Variants in USP44 observed in about 807,000 individuals in gnomAD.
USP44 encodes ubiquitin carboxyl-terminal hydrolase 44.
USP44 carries 61 observed loss-of-function variants against 69.0 expected under a neutral mutation model. The observed-to-expected ratio is 0.88, with a 90% CI of 0.72 to 1.09. USP44 has a LOEUF of 1.09. Among genes scored for constraint, USP44 ranks in the 50% least tolerant of loss-of-function variants. The pLI is 0.00. For synonymous variants in USP44, 297 were observed against 295.4 expected (o/e 1.01, Z -0.06); for missense variants, 753 against 849.9 (o/e 0.89, Z 1.42).
At chr12:95,518,392 T>C (rs751936151) in intron 5 of USP44, 39 bp from the exon 6 acceptor site, 4 of 1,595,650 alleles carry the variant, frequency 2.5e-6, no homozygotes, top group South Asian at 1.1e-5. Context: ...GAAGGGACTT[T>C]AGAAAATTCT....
intron 3 of USP44, among the ~76,000 whole-genome samples, chr12:95,527,097 C>A (rs1367748542): frequency 1.5e-5 from 2 of 134,040 alleles, no homozygotes; most frequent in East Asian, 2.3e-4. Context: ...CTGGATCATT[C>A]TTTTTTTTTT....
At position 95,521,017 on chromosome 12, in the gene USP44, T is replaced by C; in HGVS notation, c.1919A>G (p.Tyr640Cys). 1.2e-6 allele frequency: 2 copies of C among 1,614,192 alleles called. No homozygotes were observed. Among genetic ancestry groups the C allele is most frequent in the Non-Finnish European group, 1.7e-6 (2 of 1,180,020 alleles). ...TATACCTCCTTCAGAATTATAGCAG[T>C]AGGCAGTGTAGTGCCCTGAGCCAAA... is the stretch of plus-strand genomic sequence containing the variant. ...KGFGSGHYTA[Y>C]CYNSEGGFWV... is the part of the protein sequence containing the mutation. Residue 640 changes from tyrosine (Y) to cysteine (C), a missense_variant, in exon 5 of 6, where the codon TAC becomes TGC. Physicochemically the swap from Tyr to Cys is radical, Grantham distance 194. Transcript: ENST00000258499.
intron 5 of USP44, 75 bp from the exon 6 acceptor site, chr12:95,518,428 C>CT: frequency 2.1e-6 from 3 of 1,442,162 alleles, no homozygotes; most frequent in African/African-American, 1.4e-5. Flanking sequence ...GAGTGAGAAG[C>CT]TTTTTCTGAA....
intron 1 of USP44, among the ~76,000 whole-genome samples, chr12:95,539,394 T>G (rs934118955): frequency 1.6e-4 from 25 of 152,030 alleles, no homozygotes; most frequent in Non-Finnish European, 5.9e-5. Context: ...CCCAGCTAAT[T>G]TTTCTGTATT....
rs142211004 is a variant in USP44 at position 95,548,102 on chromosome 12, C to T, written c.-71+3170G>A. On this transcript the variant is annotated intron_variant, in intron 1 of 5. Coordinates refer to ENST00000258499, the MANE Select transcript of USP44 (RefSeq NM_032147.5). This position sits in a 1 kb window ranked among gnomAD's most constrained non-coding sequence, Gnocchi z 4.1. ...TCCCATCGAAGGCCATCGGGAATGG[C>T]TTTAGGAAGCTGATTTTCAAGCTTT... The T allele has an allele frequency of 1.8e-4, 28 of 152,294 alleles. No individual in the cohort carries two copies. The East Asian group carries it at 5.0e-3, about 27-fold the overall frequency. 9.4% of individuals were successfully genotyped at this position (152,294 alleles called of 1,614,324 possible).
At position 95,548,781 on chromosome 12, in the gene USP44, C is replaced by T. The variant is rs927456743; in HGVS notation, c.-71+2491G>A. The T allele has an allele frequency of 2.0e-5, 3 of 151,956 alleles. No individual in the cohort carries two copies. Among genetic ancestry groups the T allele is most frequent in the East Asian group, 3.9e-4 (2 of 5,154 alleles). The allele number at this position is 151,956 out of a possible 1,614,324, so 9.4% of individuals were successfully genotyped here. ...CTCGCGCACACTCACCAGCCCGAGC[C>T]GGGGCGGCCATCTTAGCGCTCACCC... On this transcript the variant is annotated intron_variant, in intron 1 of 5. Transcript: ENST00000258499. This position sits in a 1 kb window ranked among gnomAD's most constrained non-coding sequence, Gnocchi z 4.1.
intron 1 of USP44, among the ~76,000 whole-genome samples, chr12:95,540,507 G>A (rs180975724): frequency 1.1e-4 from 16 of 151,894 alleles, no homozygotes; most frequent in Admixed American, 9.2e-4. Flanking sequence ...CACGCAAGGC[G>A]AATTTTGTAT....
At chr12:95,525,661 C>T (rs2076811720) in intron 3 of USP44, among the ~76,000 whole-genome samples, 1 of 152,228 alleles carries the variant, frequency 6.6e-6, no homozygotes, top group Admixed American at 6.5e-5. Flanking sequence ...TGAGGCCTCC[C>T]TCACTCAAGC....
intron 1 of USP44, among the ~76,000 whole-genome samples, chr12:95,545,746 A>T (rs777922948): frequency 1.3e-5 from 2 of 152,214 alleles, no homozygotes; most frequent in African/African-American, 2.4e-5. Context: ...GCGAATGAAC[A>T]CAATGGGCTC....
intron 4 of USP44, among the ~76,000 whole-genome samples, chr12:95,522,778 CAAAAAAAAA>C (rs36010747): frequency 1.0e-5 from 1 of 99,044 alleles, no homozygotes; most frequent in Admixed American, 1.1e-4. Flanking sequence ...AATTCTGGCT[CAAAAAAAAA>C]AAAAAAAAAA....
intron 1 of USP44, among the ~76,000 whole-genome samples, chr12:95,545,900 T>C (rs141252804): frequency 3.3e-5 from 5 of 152,284 alleles, no homozygotes; most frequent in African/African-American, 1.2e-4. Flanking sequence ...AGATCTAGAA[T>C]CTATAATTAC....
chr12:95,541,571 C>A (rs919955516), intron 1 of USP44, among the ~76,000 whole-genome samples: 3 of 151,982 alleles, frequency 2.0e-5, no homozygotes, highest in Non-Finnish European at 2.9e-5. Context: ...AAGAGCAAGA[C>A]CCTGTCTCAA....
intron 3 of USP44, 56 bp from the exon 4 acceptor site, chr12:95,524,844 G>C: frequency 1.4e-6 from 2 of 1,461,698 alleles, no homozygotes; most frequent in Non-Finnish European, 9.4e-7. Context: ...TCAGGGAAAA[G>C]CTGAGTGAAC....
At position 95,528,923 on chromosome 12, in the gene USP44, T is replaced by A. The variant is rs367819800; in HGVS notation, c.1508A>T (p.Tyr503Phe). Residue 503 changes from tyrosine to phenylalanine, a missense_variant, in exon 3 of 6, where the codon TAT (tyrosine) becomes TTT (phenylalanine). Physicochemically the swap from Tyr to Phe is conservative, Grantham distance 22 (BLOSUM62 3). Transcript: ENST00000258499. ...WDLSLEFPER[Y>F]QCSGKDIASQ... ...AGCAATATCTTTTCCACTGCATTGATACCTTTCTGGAAACTCCAATGACAA... is the reference window on the plus strand; with the variant it reads ...AGCAATATCTTTTCCACTGCATTGAAACCTTTCTGGAAACTCCAATGACAA... 1.2e-6 allele frequency: 2 copies of A among 1,614,110 alleles called. No homozygotes were observed. The highest frequency in any genetic ancestry group is 1.7e-5 in the Admixed American group (1 of 60,030).
At chr12:95,540,975 T>C (rs2077368393) in intron 1 of USP44, among the ~76,000 whole-genome samples, 1 of 152,162 alleles carries the variant, frequency 6.6e-6, no homozygotes, top group Admixed American at 6.5e-5. Flanking sequence ...CATACGGAAG[T>C]AGCAATTTAA....
Position 95,539,473 on chromosome 12 carries a change from G to T in USP44, c.-70-5147C>A, listed in dbSNP as rs533759185. 1.1e-4 allele frequency among the ~76,000 whole-genome samples: 17 copies of T among 152,172 alleles called. No individual in the cohort carries two copies. The South Asian group carries it at 3.5e-3, about 32-fold the overall frequency. The stretch of plus-strand genomic sequence containing the variant: ...GATCTCCTGACCTTGTGATCTGCCC[G>T]CCTCGGCCTCCCAAAGTGCTGGGAT... On this transcript the variant is annotated intron_variant, in intron 1 of 5. Coordinates refer to ENST00000258499, the MANE Select transcript of USP44 (RefSeq NM_032147.5).
intron 1 of USP44, among the ~76,000 whole-genome samples, chr12:95,546,227 C>G (rs1409154784): frequency 6.6e-6 from 1 of 152,198 alleles, no homozygotes; most frequent in African/African-American, 2.4e-5. Context: ...TACCAAGGGT[C>G]TGAAAAATTG....
intron 1 of USP44, among the ~76,000 whole-genome samples, chr12:95,547,159 CAATT>C (rs1275108289): frequency 2.0e-5 from 3 of 152,108 alleles, no homozygotes; most frequent in East Asian, 1.9e-4. Context: ...AAATCTCAAA[CAATT>C]AACATTTGGG....
At chr12:95,542,962 CCTGTAGTCCCAGCTA>C (rs2077439138) in intron 1 of USP44, among the ~76,000 whole-genome samples, 1 of 151,220 alleles carries the variant, frequency 6.6e-6, no homozygotes, top group Non-Finnish European at 1.5e-5. Context: ...GTGGTGGGCG[CCTGTAGTCCCAGCTA>C]CTCAGGAGGC....
Sources: gnomAD v4.1 joint callset for allele counts (sites outside exome capture counted in the v4.1 genomes callset) on GRCh38, gnomAD v4.1.1 for gene constraint, Gnocchi (gnomAD v3.1) non-coding constraint, MANE v1.5 for transcripts, NCBI Gene and HGNC (gene_info 2026-07-23, HGNC 2026-07-21) for gene names.